RTF1: variants seen among roughly 807,000 people sequenced by gnomAD.
The protein encoded by RTF1 is RNA polymerase-associated protein RTF1 homolog.
In RTF1, 10 loss-of-function variants were observed where a neutral mutation model predicts 95.7. The ratio of observed to expected loss-of-function variants is 0.10; its 90% CI spans 0.06 to 0.18. RTF1 has a LOEUF of 0.18. Ranked by LOEUF, RTF1 falls within the 10% of genes least tolerant of loss-of-function variation. RTF1 has a pLI of 1.00. For synonymous variants in RTF1, 305 were observed against 311.8 expected, an observed-to-expected ratio of 0.98 and a Z score of 0.23; for missense variants, 458 against 875.6, an observed-to-expected ratio of 0.52 and a Z score of 6.02.
intron 2 of RTF1, among the ~76,000 whole-genome samples, chr15:41,451,952 A>C (rs1267708757): frequency 6.6e-6 from 1 of 152,136 alleles, no homozygotes; most frequent in South Asian, 2.1e-4. Flanking sequence ...AGTTCCAGCT[A>C]CTTAGGAGGC....
chr15:41,448,758 T>TC (rs2050775628), intron 2 of RTF1: 1 of 152,000 alleles, frequency 6.6e-6, no homozygotes, highest in African/African-American at 2.4e-5. Context: ...AGGGAATATT[T>TC]CACGAATTTG....
chr15:41,441,372 T>C (rs1031799997), intron 2 of RTF1, among the ~76,000 whole-genome samples: 36 of 152,274 alleles, frequency 2.4e-4, no homozygotes, highest in African/African-American at 8.4e-4. Context: ...TTTGAATATG[T>C]GTTATGCCTG....
intron 1 of RTF1, among the ~76,000 whole-genome samples, chr15:41,423,750 A>T (rs2050615022): frequency 6.6e-6 from 1 of 151,754 alleles, no homozygotes; most frequent in Non-Finnish European, 1.5e-5. Flanking sequence ...ATTTATTTTT[A>T]TTTATTTATT....
At chr15:41,452,841 G>A (rs1199411235) in intron 2 of RTF1, 60 bp from the exon 3 acceptor site, 1 of 1,294,164 alleles carries the variant, frequency 7.7e-7, no homozygotes, top group Admixed American at 3.0e-5. Flanking sequence ...GAGTCTTCCA[G>A]CTTTTCCCAA....
intron 1 of RTF1, among the ~76,000 whole-genome samples, chr15:41,435,997 G>A (rs1228876144): frequency 6.6e-6 from 1 of 152,084 alleles, no homozygotes; most frequent in Non-Finnish European, 1.5e-5. Flanking sequence ...CACAGCTTGG[G>A]TAAGTTACTT....
At chr15:41,478,136 C>T (rs1033832691) in intron 14 of RTF1, among the ~76,000 whole-genome samples, 15 of 152,042 alleles carry the variant, frequency 9.9e-5, no homozygotes, top group Non-Finnish European at 1.9e-4. Context: ...CATGGTGGCT[C>T]ACGCCTGTAA....
chr15:41,439,708 A>G (rs1022336113), intron 2 of RTF1, among the ~76,000 whole-genome samples: 1 of 152,134 alleles, frequency 6.6e-6, no homozygotes, highest in African/African-American at 2.4e-5. Context: ...CCAGAGTGCA[A>G]CGGCACGATC....
intron 1 of RTF1, among the ~76,000 whole-genome samples, chr15:41,418,296 A>T (rs934250926): frequency 2.0e-5 from 3 of 152,206 alleles, no homozygotes; most frequent in African/African-American, 7.2e-5. Context: ...TTGAACTTGG[A>T]GTCTGAAAAT....
chr15:41,474,561 T>G, intron 8 of RTF1, 59 bp from the exon 9 acceptor site: 1 of 1,153,508 alleles, frequency 8.7e-7, no homozygotes, highest in Non-Finnish European at 1.3e-6. Flanking sequence ...AAAGGAAGAG[T>G]GTTGTGGAAA....
chr15:41,452,270 T>C (rs114337354), intron 2 of RTF1, among the ~76,000 whole-genome samples: 1,968 of 151,844 alleles, frequency 0.013, 44 homozygotes, highest in African/African-American at 0.046. Context: ...ACCCTGTCTC[T>C]ACAAAAAATA....
chr15:41,475,337 C>T lies in RTF1; in HGVS notation c.1287-188C>T, dbSNP rs542086041. On this transcript the variant is annotated intron_variant, in intron 9 of 17. Transcript: ENST00000389629. ...GCACTGACCAAGCCCATTTGGTTTCCAGTGCTAGCTTTGGGATCTCAATCT... is the reference window on the plus strand; with the variant it reads ...GCACTGACCAAGCCCATTTGGTTTCTAGTGCTAGCTTTGGGATCTCAATCT... 2.0e-5 allele frequency among the ~76,000 whole-genome samples: 3 copies of T among 152,280 alleles called. No homozygotes were observed. In the South Asian group the frequency reaches 6.2e-4, roughly 32 times the overall value.
At chr15:41,430,995 T>G (rs2050667563) in intron 1 of RTF1, among the ~76,000 whole-genome samples, 1 of 151,012 alleles carries the variant, frequency 6.6e-6, no homozygotes, top group African/African-American at 2.4e-5. Flanking sequence ...CTCCACCTCC[T>G]AGGTTCAAGC....
chr15:41,446,897 G>A (rs2050766564), intron 2 of RTF1, among the ~76,000 whole-genome samples: 2 of 151,632 alleles, frequency 1.3e-5, no homozygotes, highest in Non-Finnish European at 2.9e-5. Context: ...CCACCTCCCA[G>A]GTTCAAGCAA....
rs534479725 is a variant in RTF1, at chr15:41,447,709, G to C, written c.310-5192G>C. Among the ~76,000 whole-genome samples the C allele has an allele frequency of 7.2e-5, 11 of 152,296 alleles. No individual in the cohort carries two copies. The South Asian group carries it at 1.9e-3, about 26-fold the overall frequency. ...GACAATGGATCCTTTCCTTTACCCA[G>C]ATGGTTTTTGAGCAGTGGTCATTGG... On this transcript the variant is annotated intron_variant, in intron 2 of 17. Transcript: ENST00000389629.
chr15:41,417,432 T>G, intron 1 of RTF1, 119 bp downstream of exon 1: 1 of 827,114 alleles, frequency 1.2e-6, no homozygotes. Context: ...CCCCGTGCCC[T>G]GGGCACCACT....
chr15:41,450,402 A>G (rs1431691513), intron 2 of RTF1, among the ~76,000 whole-genome samples: 1 of 150,944 alleles, frequency 6.6e-6, no homozygotes, highest in African/African-American at 2.4e-5. Flanking sequence ...CCTGACCAAC[A>G]TGGAGAAACC....
At chr15:41,450,957 C>G (rs1215201203) in intron 2 of RTF1, among the ~76,000 whole-genome samples, 1 of 149,606 alleles carries the variant, frequency 6.7e-6, no homozygotes, top group African/African-American at 2.5e-5. Flanking sequence ...GGCTCAAAAA[C>G]AAAAAAAAAG....
chr15:41,457,902 C>T (rs775658457), intron 4 of RTF1, 26 bp downstream of exon 4: 2 of 1,543,836 alleles, frequency 1.3e-6, no homozygotes, highest in South Asian at 1.1e-5. Context: ...TCGTTGTCCC[C>T]CCCCCGCCCC....
intron 5 of RTF1, among the ~76,000 whole-genome samples, chr15:41,465,608 T>C (rs1231161904): frequency 2.0e-5 from 3 of 151,724 alleles, no homozygotes; most frequent in Admixed American, 2.0e-4. Context: ...GCCATGGCCC[T>C]CCAGCCTGGG....
Sources: allele counts gnomAD v4.1 joint callset (sites outside exome capture counted in the v4.1 genomes callset), GRCh38; gene constraint gnomAD v4.1.1; transcripts MANE v1.5; gene names NCBI Gene and HGNC (gene_info 2026-07-23, HGNC 2026-07-21).